INSYN2B: variants seen among roughly 807,000 people sequenced by gnomAD.
INSYN2B encodes the protein inhibitory synaptic factor family member 2B.
In INSYN2B, 16 loss-of-function variants were observed where a neutral mutation model predicts 41.2. That is an observed-to-expected ratio of 0.39 (90% CI 0.26 to 0.59). The LOEUF is 0.59. Among genes scored for constraint, INSYN2B ranks in the 20% least tolerant of loss-of-function variants. The probability of loss-of-function intolerance (pLI) is 0.57; values close to 1 mark genes in which losing one functional copy is unlikely to be tolerated. For synonymous variants in INSYN2B, 245 were observed against 244.4 expected, an observed-to-expected ratio of 1.00 and a Z score of -0.02; for missense variants, 608 against 646.4, an observed-to-expected ratio of 0.94 and a Z score of 0.64.
chr5:169,945,971 T>A (rs1391400147), intron 1 of INSYN2B, among the ~76,000 whole-genome samples: 1 of 152,116 alleles, frequency 6.6e-6, no homozygotes, highest in Non-Finnish European at 1.5e-5. Context: ...CCAGGCAGGC[T>A]CCAGCCCTGG....
Position 169,867,407 on chromosome 5 carries a change from C to CTCTG in INSYN2B, c.1422-2952_1422-2949dup, listed in dbSNP as rs56110833. On this transcript the variant is annotated intron_variant, in intron 3 of 3. Coordinates refer to ENST00000377365, the MANE Select transcript of INSYN2B (RefSeq NM_001129891.3). ...AGCCAGGAACCATGGGTGAAAACCT[C>CTCTG]TCTGTCTGTCTGTCTGTCTGTCTGT... 3.3e-3 allele frequency among the ~76,000 whole-genome samples: 492 copies of CTCTG among 149,194 alleles called. 2 individuals carry two copies. The highest frequency in any genetic ancestry group is 0.01 in the African/African-American group (409 of 40,746).
intron 1 of INSYN2B, among the ~76,000 whole-genome samples, chr5:169,967,752 G>C (rs1777355535): frequency 6.6e-6 from 1 of 152,196 alleles, no homozygotes; most frequent in South Asian, 2.1e-4. Flanking sequence ...TCCAGGTACT[G>C]ATGATGGTAG....
chr5:169,871,198 CA>C (rs927795143), intron 3 of INSYN2B, among the ~76,000 whole-genome samples: 25 of 152,298 alleles, frequency 1.6e-4, no homozygotes, highest in African/African-American at 6.0e-4. Flanking sequence ...GAAGGGTACA[CA>C]AACATTCAGT....
At chr5:169,952,631 G>A (rs1776706523) in intron 1 of INSYN2B, among the ~76,000 whole-genome samples, 1 of 152,132 alleles carries the variant, frequency 6.6e-6, no homozygotes, top group South Asian at 2.1e-4. Context: ...TCCCTGCTAA[G>A]AGCTCTGGAA....
At chr5:169,891,569 T>G in intron 1 of INSYN2B, among the ~76,000 whole-genome samples, 1 of 151,868 alleles carries the variant, frequency 6.6e-6, no homozygotes, top group East Asian at 1.9e-4. Flanking sequence ...TTCTAGAAAA[T>G]GTAGGGGACT....
rs140760407 is a variant in INSYN2B, at chr5:169,934,060, T to A, written c.-919+46217A>T. On this transcript the variant is annotated intron_variant, in intron 1 of 3. Transcript: ENST00000377365. ...ATCTTCCCTTGATCCATACTGCTCATTGATCAGTGGTCACATTTGTAGCAC... is the reference window on the plus strand; with the variant it reads ...ATCTTCCCTTGATCCATACTGCTCAATGATCAGTGGTCACATTTGTAGCAC... Among the ~76,000 whole-genome samples, 20 of 152,316 alleles carry A rather than the reference T, an allele frequency of 1.3e-4. No homozygotes were observed. In the East Asian group the frequency reaches 3.9e-3, roughly 29 times the overall value.
chr5:169,874,135 G>A lies in INSYN2B; in HGVS notation c.1421+7233C>T, dbSNP rs183831136. 2.9e-3 allele frequency among the ~76,000 whole-genome samples: 436 copies of A among 152,280 alleles called. 4 individuals carry two copies. The highest frequency in any genetic ancestry group is 0.01 in the African/African-American group (421 of 41,538). On this transcript the variant is annotated intron_variant, in intron 3 of 3. Transcript: ENST00000377365. ...TAATGATTAAAATAAAAAAGCGGCC[G>A]GGTGTGGTGGCTCATGCCTGTAATC... is the stretch of plus-strand genomic sequence containing the variant.
At chr5:169,964,142 A>G (rs1302775868) in intron 1 of INSYN2B, among the ~76,000 whole-genome samples, 2 of 152,186 alleles carry the variant, frequency 1.3e-5, no homozygotes, top group Non-Finnish European at 2.9e-5. Flanking sequence ...TGACCAGAAC[A>G]TAATTCAGAT....
At chr5:169,907,520 C>T (rs1774351143) in intron 1 of INSYN2B, among the ~76,000 whole-genome samples, 1 of 152,216 alleles carries the variant, frequency 6.6e-6, no homozygotes, top group Non-Finnish European at 1.5e-5. Context: ...GTAACCACCA[C>T]TTAGCGAAGA....
chr5:169,958,187 C>T (rs1776944196), intron 1 of INSYN2B, among the ~76,000 whole-genome samples: 1 of 151,650 alleles, frequency 6.6e-6, no homozygotes, highest in South Asian at 2.1e-4. Flanking sequence ...AAATGAGGGC[C>T]TGGCTAAATG....
At chr5:169,869,148 G>A (rs1177393939) in intron 3 of INSYN2B, among the ~76,000 whole-genome samples, 2 of 152,076 alleles carry the variant, frequency 1.3e-5, no homozygotes, top group Non-Finnish European at 2.9e-5. Flanking sequence ...TCAGCTCCTC[G>A]CATCAACCTT....
chr5:169,963,656 AC>A (rs1777181338), intron 1 of INSYN2B, among the ~76,000 whole-genome samples: 1 of 151,478 alleles, frequency 6.6e-6, no homozygotes, highest in Non-Finnish European at 1.5e-5. Flanking sequence ...ATGTTAACCC[AC>A]CCCCTCACCC....
chr5:169,977,580 G>GT (rs1581496988), intron 1 of INSYN2B, among the ~76,000 whole-genome samples: 1 of 152,314 alleles, frequency 6.6e-6, no homozygotes, highest in East Asian at 1.9e-4. Context: ...CACAAAACTA[G>GT]TAAGAGATAC....
chr5:169,866,651 A>G (rs566767612), intron 3 of INSYN2B, among the ~76,000 whole-genome samples: 2 of 152,326 alleles, frequency 1.3e-5, no homozygotes, highest in African/African-American at 4.8e-5. Context: ...CAGTGCTGGC[A>G]TCAGTAGCTG....
intron 1 of INSYN2B, among the ~76,000 whole-genome samples, chr5:169,940,723 A>G (rs1263904730): frequency 3.3e-5 from 5 of 152,158 alleles, no homozygotes; most frequent in Non-Finnish European, 7.4e-5. Context: ...ATCTGACAGG[A>G]GGGGGAGCTC....
intron 3 of INSYN2B, among the ~76,000 whole-genome samples, chr5:169,872,102 C>T (rs1370430340): frequency 6.6e-6 from 1 of 152,190 alleles, no homozygotes; most frequent in African/African-American, 2.4e-5. Context: ...TTCATGGCGT[C>T]TCCCTGAAGA....
chr5:169,963,041 C>G (rs2113749222), intron 1 of INSYN2B, among the ~76,000 whole-genome samples: 1 of 152,300 alleles, frequency 6.6e-6, no homozygotes, highest in African/African-American at 2.4e-5. Flanking sequence ...CTTTGGGACT[C>G]TCTTTACAGT....
intron 1 of INSYN2B, among the ~76,000 whole-genome samples, chr5:169,951,890 A>G (rs1776681025): frequency 6.6e-6 from 1 of 152,244 alleles, no homozygotes; most frequent in African/African-American, 2.4e-5. Context: ...AGCAGACACC[A>G]GAACCAGAGC....
intron 1 of INSYN2B, among the ~76,000 whole-genome samples, chr5:169,925,511 T>C (rs1216630728): frequency 7.6e-6 from 1 of 131,182 alleles, no homozygotes. Flanking sequence ...ACCCAGGAGG[T>C]GGAGATTGCA....
Sources: gnomAD v4.1 joint callset for allele counts (sites outside exome capture counted in the v4.1 genomes callset) on GRCh38, gnomAD v4.1.1 for gene constraint, MANE v1.5 for transcripts, NCBI Gene and HGNC (gene_info 2026-07-23, HGNC 2026-07-21) for gene names.